PHLPP2: variants seen among roughly 807,000 people sequenced by gnomAD.
PHLPP2 encodes PH domain leucine-rich repeat-containing protein phosphatase 2.
Under a neutral mutation model 124.9 loss-of-function variants are expected in PHLPP2, and 66 were observed. The ratio of observed to expected loss-of-function variants is 0.53; its 90% CI spans 0.43 to 0.65. The LOEUF is 0.65. Among genes scored for constraint, PHLPP2 ranks in the 30% least tolerant of loss-of-function variants. The pLI, the probability that PHLPP2 is intolerant of heterozygous loss-of-function variation, is 0.00. For synonymous variants in PHLPP2, 681 were observed against 624.7 expected (o/e 1.09, Z -1.34); for missense variants, 1,685 against 1,600.4 (o/e 1.05, Z -0.90).
At chr16:71,689,312 T>A (rs950746862) in intron 4 of PHLPP2, among the ~76,000 whole-genome samples, 1 of 150,296 alleles carries the variant, frequency 6.7e-6, no homozygotes, top group African/African-American at 2.5e-5. Flanking sequence ...ACTCCTGGGC[T>A]CAAGCCATCC....
chr16:71,722,310 C>T (rs1452571144), intron 1 of PHLPP2, among the ~76,000 whole-genome samples: 1 of 151,904 alleles, frequency 6.6e-6, no homozygotes, highest in African/African-American at 2.4e-5. Flanking sequence ...GGCGGGTGCC[C>T]GTGATCCTAG....
chr16:71,684,125 C>CTT lies in PHLPP2; in HGVS notation c.735+349_735+350dup, dbSNP rs397816254. Among the ~76,000 whole-genome samples, 368 of 118,814 alleles carry CTT rather than the reference C, an allele frequency of 3.1e-3. 7 individuals are homozygous for CTT. The highest frequency in any genetic ancestry group is 5.6e-3 in the African/African-American group (178 of 31,816). The allele number at this position is 118,814 out of a possible 152,430, so 77.9% of individuals were successfully genotyped here. A position where few individuals can be genotyped will look rare whatever the true frequency, so the allele number is the denominator to read the frequency against. On this transcript the variant is annotated intron_variant, in intron 5 of 18. Coordinates refer to ENST00000568954, the MANE Select transcript of PHLPP2 (RefSeq NM_015020.3). ...CAAAATACATTTCTCTTGAGGTACT[C>CTT]TTTTTTTTTTTTTTTTTTTGAGATA...
intron 3 of PHLPP2, among the ~76,000 whole-genome samples, chr16:71,700,519 CTTTTTTTTTTTTT>C (rs1234453846): frequency 2.4e-5 from 2 of 83,346 alleles, no homozygotes; most frequent in Admixed American, 1.7e-4. Flanking sequence ...TGACTCATTT[CTTTTTTTTTTTTT>C]TTTTTTTTTT....
chr16:71,707,678 G>A (rs1049576416), intron 2 of PHLPP2, among the ~76,000 whole-genome samples: 1 of 152,186 alleles, frequency 6.6e-6, no homozygotes, highest in African/African-American at 2.4e-5. Context: ...TGATTCCACT[G>A]GGAGAGGGTA....
intron 2 of PHLPP2, among the ~76,000 whole-genome samples, chr16:71,713,708 T>C: frequency 6.6e-6 from 1 of 152,186 alleles, no homozygotes; most frequent in East Asian, 1.9e-4. Context: ...ATGTGTTGCA[T>C]ACAGCACCAT....
intron 6 of PHLPP2, 138 bp from the exon 7 acceptor site, chr16:71,679,673 C>T (rs1280624826): frequency 5.3e-5 from 37 of 697,570 alleles, no homozygotes; most frequent in East Asian, 2.2e-4. Context: ...ATTGAGCACT[C>T]GCTGCATATC....
At chr16:71,723,709 T>C in intron 1 of PHLPP2, 2 of 813,616 alleles carry the variant, frequency 2.5e-6, no homozygotes, top group South Asian at 2.1e-5. Flanking sequence ...CCTCGTTCCC[T>C]CCCTAGTCCG....
Position 71,649,289 on chromosome 16 carries a change from G to A in PHLPP2, c.3573C>T (p.Thr1191=). Residue 1191 remains threonine (T), a synonymous_variant, in exon 19 of 19, where the codon ACC becomes ACT. Transcript: ENST00000568954. ...CTCTAGCATGTTCCTCAGAACACAG[G>A]GTAGGAGAACTCTCTATGAGAGGGG... is the stretch of plus-strand genomic sequence containing the variant. ...NSPPLIESSP[T]LCSEEHARGS... 6.2e-7 allele frequency: 1 copy of A among 1,613,984 alleles called. No individual in the cohort carries two copies. The highest frequency in any genetic ancestry group is 8.5e-7 in the Non-Finnish European group (1 of 1,179,994).
intron 18 of PHLPP2, among the ~76,000 whole-genome samples, chr16:71,651,980 T>C (rs1388462060): frequency 1.3e-5 from 2 of 152,192 alleles, no homozygotes; most frequent in Non-Finnish European, 2.9e-5. Context: ...GGTTTGGCGA[T>C]GAGTTTTAGA....
Position 71,664,210 on chromosome 16 carries a change from T to TG in PHLPP2, c.1785-112dup. ...AATGCTGCCATTCTAAGCTTCCAAA[T>TG]GGGAAAAAAAAAAAAATCTCCACGT... On this transcript the variant is annotated intron_variant, in intron 12 of 18. Transcript: ENST00000568954. The TG allele has an allele frequency of 8.2e-6, 6 of 734,254 alleles. No homozygotes were observed. In the South Asian group the frequency reaches 8.7e-5, roughly 11 times the overall value. 45.5% of individuals were successfully genotyped at this position (734,254 alleles called of 1,614,324 possible).
intron 3 of PHLPP2, chr16:71,698,611 C>T (rs1417687934): frequency 1.6e-6 from 1 of 609,994 alleles, no homozygotes; most frequent in Non-Finnish European, 3.1e-6. Flanking sequence ...AAGAAACAGG[C>T]TGAGTACGCT....
chr16:71,658,571 C>A, intron 14 of PHLPP2, 82 bp downstream of exon 14: 1 of 1,426,064 alleles, frequency 7.0e-7, no homozygotes, highest in East Asian at 2.3e-5. Context: ...CTCCTTTCTT[C>A]TTCTTTATAA....
intron 1 of PHLPP2, among the ~76,000 whole-genome samples, chr16:71,717,962 G>C (rs1169468477): frequency 6.6e-6 from 1 of 152,158 alleles, no homozygotes; most frequent in African/African-American, 2.4e-5. Flanking sequence ...CGTGATCATA[G>C]CCCACGGCAG....
At chr16:71,671,932 C>A (rs1020407808) in intron 10 of PHLPP2, among the ~76,000 whole-genome samples, 15 of 143,322 alleles carry the variant, frequency 1.0e-4, no homozygotes, top group Admixed American at 1.0e-3. Context: ...AAACAAACAC[C>A]CACTATCTAA....
At chr16:71,651,325 C>T (rs576213372) in intron 18 of PHLPP2, among the ~76,000 whole-genome samples, 20 of 147,436 alleles carry the variant, frequency 1.4e-4, no homozygotes, top group African/African-American at 4.3e-4. Flanking sequence ...GCAATAAGAA[C>T]GAAATTCTGC....
At chr16:71,680,199 C>T (rs950796308) in intron 6 of PHLPP2, among the ~76,000 whole-genome samples, 1 of 152,144 alleles carries the variant, frequency 6.6e-6, no homozygotes, top group Non-Finnish European at 1.5e-5. Context: ...TAAATTTCTA[C>T]ATGTAATATA....
intron 10 of PHLPP2, 101 bp from the exon 11 acceptor site, chr16:71,669,471 G>T: frequency 2.5e-6 from 2 of 802,306 alleles, no homozygotes; most frequent in Non-Finnish European, 4.1e-6. Flanking sequence ...GAGCCCTTGA[G>T]GGCAGGAACA....
At chr16:71,666,403 C>T (rs1048026621) in intron 12 of PHLPP2, among the ~76,000 whole-genome samples, 1 of 152,116 alleles carries the variant, frequency 6.6e-6, no homozygotes, top group Non-Finnish European at 1.5e-5. Context: ...GTCCCAACTA[C>T]TTAGTAGGCT....
At chr16:71,716,915 C>T (rs2045366857) in intron 1 of PHLPP2, among the ~76,000 whole-genome samples, 2 of 152,198 alleles carry the variant, frequency 1.3e-5, no homozygotes, top group Admixed American at 6.5e-5. Flanking sequence ...AATACTACAT[C>T]GATGACAATG....
Sources: allele counts gnomAD v4.1 joint callset (sites outside exome capture counted in the v4.1 genomes callset), GRCh38; gene constraint gnomAD v4.1.1; transcripts MANE v1.5; gene names NCBI Gene and HGNC (gene_info 2026-07-23, HGNC 2026-07-21).